The following PASK variants were observed in gnomAD, a reference collection of about 807,000 sequenced individuals.
The protein encoded by PASK is PAS domain-containing serine/threonine-protein kinase.
Under a neutral mutation model 121.0 loss-of-function variants are expected in PASK, and 110 were observed. The ratio of observed to expected loss-of-function variants is 0.91; its 90% confidence interval spans 0.78 to 1.06. PASK has a LOEUF of 1.06. Ranked by LOEUF, PASK falls within the 50% of genes least tolerant of loss-of-function variation. The pLI is 0.00. For synonymous variants in PASK, 686 were observed against 717.8 expected, an observed-to-expected ratio of 0.96 and a Z score of 0.71; for missense variants, 1,643 against 1,702.3, an observed-to-expected ratio of 0.97 and a Z score of 0.61.
intron 9 of PASK, chr2:241,127,802 C>T: frequency 5.3e-6 from 2 of 375,846 alleles, no homozygotes; most frequent in Admixed American, 7.5e-5. Context: ...AAGGGGAAGT[C>T]CGTGCTGCTG....
At position 241,142,852 on chromosome 2, in the gene PASK, TG is replaced by T; in HGVS notation, c.180del (p.Ser60ArgfsTer103). The T allele has an allele frequency of 6.2e-7, 1 of 1,612,768 alleles. No homozygotes were observed. Among genetic ancestry groups the T allele is most frequent in the South Asian group, 1.1e-5 (1 of 91,026 alleles). On this transcript the variant is annotated frameshift_variant, in exon 2 of 18. Coordinates refer to ENST00000234040, the MANE Select transcript of PASK (RefSeq NM_015148.4). LOFTEE classifies it high-confidence loss of function. ...RRNGLSRLCQ[S>X]RTALSEDRWS... Reference sequence around the variant, plus strand: ...AGGTCATTACCAGAGAGCGCTGTCCTGCTCTGGCAGAGTCTGGAAAGCCCAT... The same window carrying T: ...AGGTCATTACCAGAGAGCGCTGTCCTCTCTGGCAGAGTCTGGAAAGCCCAT...
At chr2:241,120,434 A>T (rs1309099328) in intron 12 of PASK, among the ~76,000 whole-genome samples, 1 of 151,676 alleles carries the variant, frequency 6.6e-6, no homozygotes, top group Non-Finnish European at 1.5e-5. Flanking sequence ...TGGAGGTTGC[A>T]GTGAGCCAAG....
At chr2:241,135,370 C>T (rs1297119471) in intron 8 of PASK, among the ~76,000 whole-genome samples, 2 of 152,096 alleles carry the variant, frequency 1.3e-5, no homozygotes, top group Non-Finnish European at 2.9e-5. Context: ...ACCCGTGGAA[C>T]GCAGGTGCAT....
chr2:241,144,939 A>C (rs992873006), intron 1 of PASK, among the ~76,000 whole-genome samples: 5 of 151,908 alleles, frequency 3.3e-5, no homozygotes, highest in African/African-American at 1.2e-4. Context: ...TTTGAGACAG[A>C]GTCTCGCTGT....
chr2:241,127,652 A>C, intron 9 of PASK: 1 of 612,162 alleles, frequency 1.6e-6, no homozygotes, highest in Non-Finnish European at 2.9e-6. Context: ...ACATTTAGAA[A>C]TGATTTTGCA....
chr2:241,146,633 A>C lies in PASK; in HGVS notation c.-43+2781T>G, dbSNP rs75881048. Among the ~76,000 whole-genome samples, 513 of 152,368 alleles carry C rather than the reference A, an allele frequency of 3.4e-3. 5 individuals carry two copies. Among genetic ancestry groups the C allele is most frequent in the African/African-American group, 0.011 (462 of 41,584 alleles). ...ACGAGTGGAAAAAATCAAGTTACGGAAGACAATCAGCAGGAGGATTCCTTT... is the reference window on the plus strand; with the variant it reads ...ACGAGTGGAAAAAATCAAGTTACGGCAGACAATCAGCAGGAGGATTCCTTT... On this transcript the variant is annotated intron_variant, in intron 1 of 17. Transcript: ENST00000234040.
chr2:241,107,423 G>A lies in PASK; in HGVS notation c.3744C>T (p.Asp1248=), dbSNP rs767753227. 6 of 1,613,728 alleles carry A rather than the reference G, an allele frequency of 3.7e-6. No individual in the cohort carries two copies. The African/African-American group carries it at 4.0e-5, about 11-fold the overall frequency. The change falls in exon 17 of 18, where the codon GAC becomes GAT. Residue 1248 remains aspartate, a synonymous_variant. Coordinates refer to ENST00000234040, the MANE Select transcript of PASK (RefSeq NM_015148.4). ...GATTCACAGGCTGTGTTACCCACGG[G>A]TCTGTCACCAGCTTCTCCAAGGTGG... ...RRTTLEKLVT[D]PWVTQPVNLA...
rs758029075 is a variant in PASK at position 241,107,381 on chromosome 2, C to T, written c.3786G>A (p.Trp1262Ter). Residue 1262 changes from tryptophan (W) to a stop codon, truncating the protein, a stop_gained, in exon 17 of 18, where the codon TGG (tryptophan) becomes TGA (stop). Transcript: ENST00000234040. LOFTEE classifies it low-confidence loss of function (END_TRUNC). ...GCTTGTTTACTCGAAACACCTCTTC[C>T]CATGTATAGTCAGCAAGATTCACAG... Reference protein sequence around the residue: ...TQPVNLADYTWEEVFRVNKPE... With the variant: ...TQPVNLADYT 1.1e-5 allele frequency: 18 copies of T among 1,613,816 alleles called. No homozygotes were observed. In the South Asian group the frequency reaches 1.5e-4, roughly 14 times the overall value.
intron 12 of PASK, among the ~76,000 whole-genome samples, chr2:241,115,889 G>GCC (rs2065329540): frequency 6.7e-5 from 9 of 134,266 alleles, no homozygotes; most frequent in Non-Finnish European, 1.1e-4. Context: ...TTACGCCAGG[G>GCC]GCCACTCGGT....
chr2:241,150,129 G>A, upstream of PASK: 1 of 1,270,192 alleles, frequency 7.9e-7, no homozygotes, highest in Non-Finnish European at 9.9e-7. Flanking sequence ...ACGCCTCCGA[G>A]GTCGAGACAG....
intron 10 of PASK, 112 bp from the exon 11 acceptor site, chr2:241,124,245 T>G (rs976111769): frequency 3.4e-6 from 3 of 882,530 alleles, no homozygotes; most frequent in Non-Finnish European, 5.4e-6. Flanking sequence ...CCCAGCAGCT[T>G]TAAGTTAGAA....
In PASK at chr2:241,131,360, G is replaced by C. The variant is rs539862554; in HGVS notation, c.1463+1514C>G. 5.3e-4 allele frequency among the ~76,000 whole-genome samples: 80 copies of C among 152,238 alleles called. No homozygotes were observed. In the South Asian group the frequency reaches 0.015, roughly 28 times the overall value. Reference sequence around the variant, plus strand: ...AGACGGGGTTGCACCGTGTTAGCCAGGATGGTCTCCATCTGCCGACCTCAT... The same window carrying C: ...AGACGGGGTTGCACCGTGTTAGCCACGATGGTCTCCATCTGCCGACCTCAT... On this transcript the variant is annotated intron_variant, in intron 9 of 17. Coordinates refer to ENST00000234040, the MANE Select transcript of PASK (RefSeq NM_015148.4).
chr2:241,123,875 G>A, intron 11 of PASK, 74 bp downstream of exon 11: 2 of 1,237,260 alleles, frequency 1.6e-6, no homozygotes, highest in Non-Finnish European at 2.4e-6. Context: ...AGGAAACAGA[G>A]AGAGATGCCA....
intron 12 of PASK, among the ~76,000 whole-genome samples, chr2:241,117,149 T>C (rs1443237086): frequency 1.3e-5 from 2 of 151,948 alleles, no homozygotes; most frequent in Non-Finnish European, 2.9e-5. Flanking sequence ...GCAGGAAGAA[T>C]CATCGGAGCC....
chr2:241,126,283 C>T lies in PASK; in HGVS notation c.2632G>A (p.Val878Met), dbSNP rs76049785. 9.5e-5 allele frequency: 153 copies of T among 1,614,194 alleles called. No homozygotes were observed. The African/African-American group carries it at 1.4e-3, about 14-fold the overall frequency. ...TGCAGGCCAGCAGCCCCGCGCATCA[C>T]GATCACGGGCGTGGAGGTGACCTGG... ...NVQVTSTPVI[V>M]MRGAAGLQRE... The change falls in exon 10 of 18, where the codon GTG becomes ATG. Residue 878 changes from valine to methionine, a missense_variant. By Grantham distance (21) the Val-to-Met change is conservative. Around this residue, in one of 3 missense-constraint regions of PASK, gnomAD observed 1,176 missense variants for 1,162.2 expected, o/e 1.01. Coordinates refer to ENST00000234040, the MANE Select transcript of PASK (RefSeq NM_015148.4).
At position 241,136,388 on chromosome 2, in the gene PASK, G is replaced by C. The variant is rs572711609; in HGVS notation, c.1138-349C>G. 1.6e-4 allele frequency among the ~76,000 whole-genome samples: 25 copies of C among 152,042 alleles called. No homozygotes were observed. The South Asian group carries it at 3.5e-3, about 21-fold the overall frequency. On this transcript the variant is annotated intron_variant, in intron 7 of 17. Coordinates refer to ENST00000234040, the MANE Select transcript of PASK (RefSeq NM_015148.4). ...ACCTCACGCGGCTCACTGGTGGCCG[G>C]AACAGTGACATGCACCCAGGACAGA...
rs757767875 is a variant in PASK at position 241,108,326 on chromosome 2, C to T, written c.3534-26G>A. ...CTGTGAGGAGGAGGAGGCATCAGGA[C>T]GCCACGGCACTCAGCGCAGGCTTGC... On this transcript the variant is annotated intron_variant, in intron 15 of 17. Transcript: ENST00000234040. This position sits in a 1 kb window ranked among gnomAD's most constrained non-coding sequence, Gnocchi z 5.2. 22 of 1,613,236 alleles carry T rather than the reference C, an allele frequency of 1.4e-5. No homozygotes were observed. Among genetic ancestry groups the T allele is most frequent in the Admixed American group, 3.3e-5 (2 of 59,998 alleles).
chr2:241,138,215 C>CAT, intron 5 of PASK, 128 bp from the exon 6 acceptor site: 1 of 888,630 alleles, frequency 1.1e-6, no homozygotes, highest in South Asian at 1.4e-5. Context: ...GGGCAAGAGA[C>CAT]ATATACACAT....
At chr2:241,138,261 A>T (rs1357674686) in intron 5 of PASK, among the ~76,000 whole-genome samples, 174 bp from the exon 6 acceptor site, 1 of 152,228 alleles carries the variant, frequency 6.6e-6, no homozygotes, top group Non-Finnish European at 1.5e-5. Flanking sequence ...GTCTCCTTCT[A>T]CCAGAGACGT....
Sources: allele counts gnomAD v4.1 joint callset (sites outside exome capture counted in the v4.1 genomes callset), GRCh38; gene constraint gnomAD v4.1.1; regional missense constraint gnomAD v4.1.1; non-coding constraint Gnocchi (gnomAD v3.1); transcripts MANE v1.5; gene names NCBI Gene and HGNC (gene_info 2026-07-23, HGNC 2026-07-21).